The following ATP13A4 variants were observed in gnomAD, a reference collection of about 807,000 sequenced individuals.
ATP13A4 encodes the protein probable cation-transporting ATPase 13A4.
ATP13A4 carries 114 observed loss-of-function variants against 142.5 expected under a neutral mutation model. The ratio of observed to expected loss-of-function variants is 0.80; its 90% CI spans 0.69 to 0.93. The LOEUF (loss-of-function observed/expected upper bound fraction) is 0.93, where lower values mean the gene tolerates loss of function less well. Ranked by LOEUF, ATP13A4 falls within the 40% of genes least tolerant of loss-of-function variation. The pLI is 0.00. For missense variants in ATP13A4, 1,392 were observed against 1,454.0 expected (o/e 0.96, Z 0.69); for synonymous variants, 488 against 514.8 (o/e 0.95, Z 0.70).
chr3:193,588,272 G>C (rs1368151478), intron 1 of ATP13A4, among the ~76,000 whole-genome samples: 1 of 152,118 alleles, frequency 6.6e-6, no homozygotes, highest in Non-Finnish European at 1.5e-5. Context: ...AATCTGTATT[G>C]CAAGCCCCAT....
chr3:193,424,136 T>G (rs1021215972), intron 25 of ATP13A4, among the ~76,000 whole-genome samples: 1 of 146,534 alleles, frequency 6.8e-6, no homozygotes, highest in African/African-American at 2.5e-5. Context: ...AGGTGAAAAA[T>G]CTCTATACTG....
At chr3:193,520,665 T>C (rs2108689818) in intron 1 of ATP13A4, among the ~76,000 whole-genome samples, 1 of 152,232 alleles carries the variant, frequency 6.6e-6, no homozygotes, top group Non-Finnish European at 1.5e-5. Context: ...TGTGCTGAAG[T>C]CCCAGTCTTG....
rs752144887 is a variant in ATP13A4, at chr3:193,457,344, T to C, written c.1761+35A>G. 3 of 1,607,330 alleles carry C rather than the reference T, an allele frequency of 1.9e-6. No homozygotes were observed. The East Asian group carries it at 6.7e-5, about 36-fold the overall frequency. The stretch of plus-strand genomic sequence containing the variant: ...GGCCAGAAGAGTTTCTCTTTGAGTT[T>C]GGGTGTTGTGGGGTGAAGAGCAAGC... On this transcript the variant is annotated intron_variant, in intron 15 of 29. Transcript: ENST00000342695.
chr3:193,576,585 T>G (rs962002258), intron 2 of ATP13A4, among the ~76,000 whole-genome samples: 3 of 152,204 alleles, frequency 2.0e-5, no homozygotes, highest in Non-Finnish European at 2.9e-5. Context: ...ATCAATCTTA[T>G]GTAAATTATT....
At position 193,457,452 on chromosome 3, in the gene ATP13A4, G is replaced by GA. The variant is rs1171638278; in HGVS notation, c.1687dup (p.Ser563PhefsTer18). On this transcript the variant is annotated frameshift_variant, in exon 15 of 30. Coordinates refer to ENST00000342695, the MANE Select transcript of ATP13A4 (RefSeq NM_032279.4). LOFTEE classifies it high-confidence loss of function. Reference sequence around the variant, plus strand: ...TCCCTTGATGTGGAAATCGTCCCCAGAAAAAGCCATTTCCTATTTCACAAA... The same window carrying GA: ...TCCCTTGATGTGGAAATCGTCCCCAGAAAAAAGCCATTTCCTATTTCACAAA... The GA allele has an allele frequency of 6.8e-6, 11 of 1,614,022 alleles. No homozygotes were observed. The highest frequency in any genetic ancestry group is 9.3e-6 in the Non-Finnish European group (11 of 1,179,932).
Position 193,416,223 on chromosome 3 carries a change from C to T in ATP13A4, c.2843-1473G>A, listed in dbSNP as rs141178986. 1.1e-4 allele frequency among the ~76,000 whole-genome samples: 16 copies of T among 152,238 alleles called. No homozygotes were observed. In the East Asian group the frequency reaches 3.1e-3, roughly 29 times the overall value. On this transcript the variant is annotated intron_variant, in intron 25 of 29. Transcript: ENST00000342695. ...TCACTAAACAAATGGACTATTACAGCCTTCAACAAAGAGTGAAACAAAAAA... is the reference window on the plus strand; with the variant it reads ...TCACTAAACAAATGGACTATTACAGTCTTCAACAAAGAGTGAAACAAAAAA...
At chr3:193,530,199 GT>G (rs889478326) in intron 1 of ATP13A4, among the ~76,000 whole-genome samples, 7 of 149,130 alleles carry the variant, frequency 4.7e-5, no homozygotes, top group African/African-American at 9.9e-5. Context: ...GTCCAAGTGG[GT>G]TTTTTTTTCG....
intron 2 of ATP13A4, among the ~76,000 whole-genome samples, chr3:193,580,219 G>A (rs1426647963): frequency 2.0e-5 from 3 of 152,114 alleles, no homozygotes. Context: ...TACTGAAAGT[G>A]GATTAATTTT....
chr3:193,417,043 T>C (rs546034455), intron 25 of ATP13A4: 11 of 152,096 alleles, frequency 7.2e-5, no homozygotes, highest in African/African-American at 2.2e-4. Context: ...TCAGAAACCA[T>C]GGAAGCCAGA....
chr3:193,454,236 T>C (rs768525885), intron 16 of ATP13A4, 24 bp from the exon 17 acceptor site: 32 of 1,547,264 alleles, frequency 2.1e-5, no homozygotes, highest in Non-Finnish European at 2.9e-5. Context: ...AACACAGGGT[T>C]AGTACGCAGT....
chr3:193,474,621 GGA>G (rs1156991035), intron 8 of ATP13A4, among the ~76,000 whole-genome samples: 1 of 136,414 alleles, frequency 7.3e-6, no homozygotes. Context: ...AAGAAAGGAA[GGA>G]GAGAGAGACG....
intron 1 of ATP13A4, among the ~76,000 whole-genome samples, chr3:193,582,498 T>G (rs10937590): frequency 0.52 from 72,619 of 140,486 alleles, 19,456 homozygotes; most frequent in African/African-American, 0.65. Context: ...ATGTATATAC[T>G]TATAAGTATA....
At chr3:193,481,417 C>T (rs190086895) in intron 8 of ATP13A4, among the ~76,000 whole-genome samples, 2 of 152,138 alleles carry the variant, frequency 1.3e-5, no homozygotes, top group Admixed American at 6.5e-5. Flanking sequence ...AATACAAAAA[C>T]ACATACATAT....
Position 193,401,606 on chromosome 3 carries a change from T to C in ATP13A4, c.*1046A>G, listed in dbSNP as rs1480095302. On this transcript the variant is annotated 3_prime_UTR_variant, in exon 30 of 30. Transcript: ENST00000342695. The stretch of plus-strand genomic sequence containing the variant: ...GACAGCACTCGTGCTTTCTGATCTG[T>C]TATTTTCCTCTCCTTCCCAGGACTA... 6.6e-6 allele frequency among the ~76,000 whole-genome samples: 1 copy of C among 152,222 alleles called. No individual in the cohort carries two copies. The highest frequency in any genetic ancestry group is 1.9e-4 in the East Asian group (1 of 5,196).
chr3:193,457,166 T>C lies in ATP13A4; in HGVS notation c.1762-13A>G, dbSNP rs923905263. 16 of 1,612,570 alleles carry C rather than the reference T, an allele frequency of 9.9e-6. No individual in the cohort carries two copies. Among genetic ancestry groups the C allele is most frequent in the Admixed American group, 1.7e-5 (1 of 59,990 alleles). On this transcript the variant is annotated splice_polypyrimidine_tract_variant and intron_variant, in intron 15 of 29. Transcript: ENST00000342695. ...CTTCCACTGGGACCTGGTTGAGGGA[T>C]GGGGAAAGGAGAGGAACATGCTGAT...
chr3:193,567,931 T>C (rs1724174126), intron 2 of ATP13A4, among the ~76,000 whole-genome samples: 1 of 152,160 alleles, frequency 6.6e-6, no homozygotes, highest in Non-Finnish European at 1.5e-5. Flanking sequence ...CACAGCCACC[T>C]GAAGCACCAC....
chr3:193,416,174 C>G (rs896493949), intron 25 of ATP13A4, among the ~76,000 whole-genome samples: 1 of 152,094 alleles, frequency 6.6e-6, no homozygotes, highest in Non-Finnish European at 1.5e-5. Flanking sequence ...CTAGTACAGT[C>G]TTTCCAAAAA....
At chr3:193,502,822 C>T (rs1230811958) in intron 2 of ATP13A4, among the ~76,000 whole-genome samples, 183 bp from the exon 3 acceptor site, 1 of 152,184 alleles carries the variant, frequency 6.6e-6, no homozygotes, top group East Asian at 1.9e-4. Flanking sequence ...GACCTGTCAT[C>T]ACTGACTGAG....
intron 1 of ATP13A4, among the ~76,000 whole-genome samples, chr3:193,582,233 C>T (rs181201200): frequency 4.7e-5 from 7 of 149,044 alleles, no homozygotes; most frequent in African/African-American, 1.5e-4. Flanking sequence ...ACTGCAACCT[C>T]CCCCTCCAGG....
Sources: gnomAD v4.1 joint callset for allele counts (sites outside exome capture counted in the v4.1 genomes callset) on GRCh38, gnomAD v4.1.1 for gene constraint, MANE v1.5 for transcripts, NCBI Gene and HGNC (gene_info 2026-07-23, HGNC 2026-07-21) for gene names.